The following CCDC34 variants were observed in gnomAD, a reference collection of about 807,000 sequenced individuals.
CCDC34 encodes coiled-coil domain containing 34, also known as coiled-coil domain-containing protein 34.
CCDC34 carries 40 observed loss-of-function variants against 44.1 expected under a neutral mutation model. The ratio of observed to expected loss-of-function variants is 0.91; its 90% CI spans 0.70 to 1.18. The LOEUF (loss-of-function observed/expected upper bound fraction) is 1.18, where lower values mean the gene tolerates loss of function less well. Among genes scored for constraint, CCDC34 ranks in the 50% most tolerant of loss-of-function variants. CCDC34 has a pLI of 0.00. For missense variants in CCDC34, 466 were observed against 452.3 expected, an observed-to-expected ratio of 1.03 and a Z score of -0.28; for synonymous variants, 159 against 158.2, an observed-to-expected ratio of 1.01 and a Z score of -0.04.
intron 2 of CCDC34, among the ~76,000 whole-genome samples, chr11:27,353,042 C>T (rs1381218653): frequency 1.3e-5 from 2 of 152,184 alleles, no homozygotes; most frequent in Non-Finnish European, 2.9e-5. Context: ...TGGTATACCA[C>T]TGAATTTCAA....
intron 3 of CCDC34, among the ~76,000 whole-genome samples, chr11:27,344,367 C>A (rs1332943236): frequency 6.7e-6 from 1 of 148,258 alleles, no homozygotes; most frequent in Non-Finnish European, 1.5e-5. Context: ...CACATGCATG[C>A]TGCATGTTAT....
intron 2 of CCDC34, 26 bp downstream of exon 2, chr11:27,357,377 A>G (rs1407195411): frequency 3.1e-6 from 5 of 1,594,620 alleles, no homozygotes; most frequent in Middle Eastern, 1.7e-4. Flanking sequence ...CACAGATTAA[A>G]TAAAAAGAAC....
At chr11:27,362,680 A>G (rs560198248) in intron 1 of CCDC34, among the ~76,000 whole-genome samples, 156 bp downstream of exon 1, 2 of 145,706 alleles carry the variant, frequency 1.4e-5, no homozygotes, top group African/African-American at 2.4e-5. Context: ...GAATTTGCAC[A>G]GGGCTCTTTA....
chr11:27,344,732 ATAT>A (rs1220727851), intron 3 of CCDC34, among the ~76,000 whole-genome samples: 1 of 152,108 alleles, frequency 6.6e-6, no homozygotes. Context: ...TTAAAATTTG[ATAT>A]TATTAAGATA....
intron 1 of CCDC34, among the ~76,000 whole-genome samples, chr11:27,358,363 T>A (rs1348201432): frequency 6.6e-6 from 1 of 152,192 alleles, no homozygotes; most frequent in African/African-American, 2.4e-5. Context: ...TCAGCAGCCA[T>A]AGAAAGCAAG....
In CCDC34 at chr11:27,357,550, G is replaced by GA. The variant is rs770337805; in HGVS notation, c.360-10dup. The GA allele has an allele frequency of 3.7e-6, 6 of 1,613,344 alleles. No homozygotes were observed. In the South Asian group the frequency reaches 4.4e-5, roughly 12 times the overall value. ...CTGATTCAACCTGAGTGCTACAAAA[G>GA]AGAGGCTACTATAGTACTTGTACAA... On this transcript the variant is annotated splice_polypyrimidine_tract_variant and intron_variant, in intron 1 of 5. Transcript: ENST00000328697.
chr11:27,362,780 A>G (rs944521229), intron 1 of CCDC34, 56 bp downstream of exon 1: 118 of 1,564,104 alleles, frequency 7.5e-5, no homozygotes, highest in Middle Eastern at 6.9e-4. Context: ...GGGGTACTTA[A>G]GAGGGTCTAA....
intron 2 of CCDC34, 77 bp downstream of exon 2, chr11:27,357,320 ATAACAT>A (rs1415760180): frequency 3.7e-6 from 5 of 1,359,296 alleles, no homozygotes; most frequent in East Asian, 4.6e-5. Flanking sequence ...TTCAGGAATA[ATAACAT>A]TAACATTTTA....
rs748754442 is a variant in CCDC34 at position 27,363,211 on chromosome 11, A to C, written c.-17T>G. 1 of 1,448,554 alleles carries C rather than the reference A, an allele frequency of 6.9e-7. No homozygotes were observed. The highest frequency in any genetic ancestry group is 1.5e-5 in the African/African-American group (1 of 68,866). The allele number at this position is 1,448,554 out of a possible 1,614,324, so 89.7% of individuals were successfully genotyped here. ...CGCCCACATCTGGCCCGCCAAGTTC[A>C]AACTGGCGGAGCCGCGGCGGGGACG... is the stretch of plus-strand genomic sequence containing the variant. On this transcript the variant is annotated 5_prime_UTR_variant, in exon 1 of 6. Coordinates refer to ENST00000328697, the MANE Select transcript of CCDC34 (RefSeq NM_030771.2).
chr11:27,342,943 T>C (rs11607287), intron 3 of CCDC34, among the ~76,000 whole-genome samples: 33,057 of 152,150 alleles, frequency 0.22, 4,215 homozygotes, highest in East Asian at 0.44. Context: ...ACAAATGCCA[T>C]ACATATCACC....
At chr11:27,345,324 G>A (rs1862416878) in intron 3 of CCDC34, among the ~76,000 whole-genome samples, 1 of 151,996 alleles carries the variant, frequency 6.6e-6, no homozygotes, top group African/African-American at 2.4e-5. Flanking sequence ...TAGGGTACAT[G>A]TGCACAACGT....
chr11:27,351,773 C>T (rs1862505753), intron 2 of CCDC34, among the ~76,000 whole-genome samples: 1 of 152,150 alleles, frequency 6.6e-6, no homozygotes, highest in Admixed American at 6.5e-5. Context: ...AACATCTTTC[C>T]TTCCCCCTAG....
In CCDC34 at chr11:27,353,516, A is replaced by G. The variant is rs11029968; in HGVS notation, c.499-3077T>C. 3.3e-5 allele frequency among the ~76,000 whole-genome samples: 5 copies of G among 152,156 alleles called. No individual in the cohort carries two copies. The South Asian group carries it at 1.0e-3, about 32-fold the overall frequency. On this transcript the variant is annotated intron_variant, in intron 2 of 5. Coordinates refer to ENST00000328697, the MANE Select transcript of CCDC34 (RefSeq NM_030771.2). ...ATTAAATGACCTATAAAACCAATAT[A>G]CTAGTTTTTCATAATGCTTGATAAT...
chr11:27,340,648 T>G (rs772697119), intron 5 of CCDC34, 48 bp downstream of exon 5: 1 of 1,534,770 alleles, frequency 6.5e-7, no homozygotes, highest in East Asian at 2.3e-5. Context: ...GTATAATATT[T>G]GCTTCTGCAA....
At chr11:27,348,823 A>G (rs1027367953) in intron 3 of CCDC34, 1 of 921,788 alleles carries the variant, frequency 1.1e-6, no homozygotes, top group Non-Finnish European at 1.3e-6. Context: ...AAAAAAAAAG[A>G]ATAATCAATT....
chr11:27,350,704 A>G (rs1862495184), intron 2 of CCDC34, among the ~76,000 whole-genome samples: 1 of 152,170 alleles, frequency 6.6e-6, no homozygotes, highest in Non-Finnish European at 1.5e-5. Context: ...CAGCTAAATT[A>G]CCCTCATTGA....
intron 3 of CCDC34, among the ~76,000 whole-genome samples, chr11:27,346,329 G>C (rs896274349): frequency 6.6e-6 from 1 of 151,464 alleles, no homozygotes; most frequent in East Asian, 2.0e-4. Context: ...CCGGGAGGCA[G>C]AGGTGCGGTG....
intron 3 of CCDC34, among the ~76,000 whole-genome samples, chr11:27,345,646 TG>T (rs1369430920): frequency 4.6e-5 from 7 of 151,944 alleles, no homozygotes; most frequent in African/African-American, 1.7e-4. Flanking sequence ...TAGTATTCCA[TG>T]GTGTATATGT....
intron 3 of CCDC34, among the ~76,000 whole-genome samples, chr11:27,344,361 T>G (rs1862403981): frequency 6.7e-6 from 1 of 148,298 alleles, no homozygotes; most frequent in South Asian, 2.1e-4. Flanking sequence ...TATAAACACA[T>G]GCATGCTGCA....
Sources: allele counts gnomAD v4.1 joint callset (sites outside exome capture counted in the v4.1 genomes callset), GRCh38; gene constraint gnomAD v4.1.1; transcripts MANE v1.5; gene names NCBI Gene and HGNC (gene_info 2026-07-23, HGNC 2026-07-21).